The following WDPCP variants were observed in gnomAD, a reference collection of about 807,000 sequenced individuals.
WDPCP encodes WD repeat-containing and planar cell polarity effector protein fritz homolog.
Under a neutral mutation model 93.1 loss-of-function variants are expected in WDPCP, and 71 were observed. That is an observed-to-expected ratio of 0.76 (90% confidence interval 0.63 to 0.93). The LOEUF (loss-of-function observed/expected upper bound fraction) is 0.93, where lower values mean the gene tolerates loss of function less well. Among genes scored for constraint, WDPCP ranks in the 40% least tolerant of loss-of-function variants. The pLI is 0.00. For missense variants in WDPCP, 844 were observed against 887.4 expected, an observed-to-expected ratio of 0.95 and a Z score of 0.62; for synonymous variants, 315 against 315.0, an observed-to-expected ratio of 1.00 and a Z score of 0.00.
chr2:63,178,841 C>T (rs978709156), intron 14 of WDPCP, among the ~76,000 whole-genome samples: 1 of 151,034 alleles, frequency 6.6e-6, no homozygotes, highest in Non-Finnish European at 1.5e-5. Context: ...GTAAACATAG[C>T]CATAAACTTC....
At chr2:63,550,644 A>G (rs1263434023) in intron 1 of WDPCP, among the ~76,000 whole-genome samples, 2 of 151,764 alleles carry the variant, frequency 1.3e-5, no homozygotes, top group Non-Finnish European at 2.9e-5. Context: ...CCACAGCTTC[A>G]ATTTCCATCT....
chr2:63,635,969 C>T (rs1180751900), intron 3 of WDPCP, among the ~76,000 whole-genome samples: 1 of 152,042 alleles, frequency 6.6e-6, no homozygotes, highest in Non-Finnish European at 1.5e-5. Flanking sequence ...AAAGACTTCA[C>T]CAAAAATTGG....
chr2:63,155,706 T>G (rs1672193731), intron 15 of WDPCP, among the ~76,000 whole-genome samples: 1 of 152,222 alleles, frequency 6.6e-6, no homozygotes, highest in African/African-American at 2.4e-5. Context: ...CAAAAATCTT[T>G]ACTAAATGGC....
chr2:63,603,754 T>C (rs2106625749), intron 3 of WDPCP, among the ~76,000 whole-genome samples: 1 of 150,582 alleles, frequency 6.6e-6, no homozygotes, highest in Admixed American at 6.7e-5. Context: ...GCCTCCCAGG[T>C]TCAAGCGATT....
At chr2:63,839,952 G>C in the WDPCP span, among the ~76,000 whole-genome samples, 5 of 152,128 alleles carry the variant, frequency 3.3e-5, no homozygotes, top group Non-Finnish European at 5.9e-5. Context: ...TGTGTTGTTT[G>C]TTCTAATAAC....
intron 14 of WDPCP, among the ~76,000 whole-genome samples, chr2:63,185,796 G>C (rs1674589040): frequency 6.6e-6 from 1 of 152,172 alleles, no homozygotes; most frequent in African/African-American, 2.4e-5. Context: ...CAGTGTCCCA[G>C]GCAATGGGCT....
chr2:63,483,292 C>T (rs1455225691), intron 6 of WDPCP, among the ~76,000 whole-genome samples: 3 of 151,846 alleles, frequency 2.0e-5, no homozygotes, highest in African/African-American at 7.3e-5. Flanking sequence ...TTGAAACTTT[C>T]TGGAGCGTAT....
In WDPCP at chr2:63,433,820, C is replaced by T; in HGVS notation, c.750G>A (p.Trp250Ter). The T allele has an allele frequency of 6.2e-7, 1 of 1,613,932 alleles. No homozygotes were observed. Among genetic ancestry groups the T allele is most frequent in the Non-Finnish European group, 8.5e-7 (1 of 1,179,908 alleles). The part of the protein sequence containing the change: ...CWWPLVNDDA[W>*]PWAPISSEKD... ...TCTCAGAAGAAATGGGGGCCCAAGG[C>T]CAAGCATCATCGTTGACCAGTGGCC... The change falls in exon 9 of 18, where the codon TGG becomes TGA. Residue 250 changes from tryptophan to a stop codon, truncating the protein, a stop_gained. Transcript: ENST00000272321. LOFTEE classifies it high-confidence loss of function.
intron 1 of WDPCP, among the ~76,000 whole-genome samples, chr2:63,540,281 A>G (rs1329503583): frequency 2.6e-5 from 4 of 152,358 alleles, no homozygotes; most frequent in African/African-American, 7.2e-5. Flanking sequence ...GTCAGAGTAT[A>G]AACAATTAGT....
intron 3 of WDPCP, among the ~76,000 whole-genome samples, chr2:63,646,281 A>G (rs1024903080): frequency 2.0e-5 from 3 of 152,180 alleles, no homozygotes; most frequent in African/African-American, 4.8e-5. Flanking sequence ...AAAACTAATA[A>G]AATTTCTATG....
intron 9 of WDPCP, among the ~76,000 whole-genome samples, chr2:63,416,231 G>A (rs1695409564): frequency 1.4e-5 from 2 of 145,756 alleles, no homozygotes; most frequent in African/African-American, 5.1e-5. Flanking sequence ...ACAGAGTCTC[G>A]CTCTGTCACC....
chr2:63,707,838 T>C (rs1353190382), intron 2 of WDPCP, among the ~76,000 whole-genome samples: 1 of 152,232 alleles, frequency 6.6e-6, no homozygotes, highest in South Asian at 2.1e-4. Flanking sequence ...TTAGTTTTCC[T>C]TCTAACAGTC....
At chr2:63,621,033 A>C (rs1709730234) in intron 3 of WDPCP, among the ~76,000 whole-genome samples, 1 of 152,228 alleles carries the variant, frequency 6.6e-6, no homozygotes, top group Non-Finnish European at 1.5e-5. Context: ...ATCAAAGACC[A>C]AAGGTAGATA....
At chr2:63,371,490 C>T (rs543621012) in intron 12 of WDPCP, among the ~76,000 whole-genome samples, 1 of 152,210 alleles carries the variant, frequency 6.6e-6, no homozygotes, top group African/African-American at 2.4e-5. Flanking sequence ...CAATTCCTTA[C>T]AATAATCTAC....
chr2:63,173,088 C>A (rs190535842), intron 15 of WDPCP, among the ~76,000 whole-genome samples: 4 of 151,802 alleles, frequency 2.6e-5, no homozygotes, highest in African/African-American at 9.7e-5. Flanking sequence ...ATGGTGAAAC[C>A]CTGTCTCTAC....
chr2:63,302,808 G>A (rs1041777201), intron 13 of WDPCP, among the ~76,000 whole-genome samples: 2 of 152,150 alleles, frequency 1.3e-5, no homozygotes, highest in Non-Finnish European at 2.9e-5. Flanking sequence ...GACCCCATAC[G>A]ACTGCTGTTC....
At chr2:63,419,755 T>A (rs1211185918) in intron 9 of WDPCP, among the ~76,000 whole-genome samples, 1 of 152,182 alleles carries the variant, frequency 6.6e-6, no homozygotes, top group African/African-American at 2.4e-5. Flanking sequence ...ATATATCTAT[T>A]ATAATCCTTT....
At chr2:63,295,005 C>T (rs1684735887) in intron 13 of WDPCP, among the ~76,000 whole-genome samples, 1 of 151,816 alleles carries the variant, frequency 6.6e-6, no homozygotes, top group South Asian at 2.1e-4. Flanking sequence ...ACATTAAAAA[C>T]CAAAAAGGGT....
chr2:63,519,194 G>C (rs188014426), intron 1 of WDPCP: 1 of 151,940 alleles, frequency 6.6e-6, no homozygotes, highest in Non-Finnish European at 1.5e-5. Context: ...CTAGCGCCCC[G>C]CCCCATGTCG....
Sources: allele counts gnomAD v4.1 joint callset (sites outside exome capture counted in the v4.1 genomes callset), GRCh38; gene constraint gnomAD v4.1.1; transcripts MANE v1.5; gene names NCBI Gene and HGNC (gene_info 2026-07-23, HGNC 2026-07-21).